TTC28: variants seen among roughly 807,000 people sequenced by gnomAD.
The protein encoded by TTC28 is tetratricopeptide repeat domain 28.
TTC28 carries 61 observed loss-of-function variants against 198.0 expected under a neutral mutation model. The observed-to-expected ratio is 0.31, with a 90% confidence interval of 0.25 to 0.38. TTC28 has a LOEUF of 0.38. Ranked by LOEUF, TTC28 falls within the 10% of genes least tolerant of loss-of-function variation. TTC28 has a pLI of 1.00. For synonymous variants in TTC28, 1,171 were observed against 1,297.8 expected (o/e 0.90, Z 2.10); for missense variants, 2,678 against 3,164.0 (o/e 0.85, Z 3.69).
chr22:28,136,201 G>T (rs1601366045), intron 6 of TTC28, among the ~76,000 whole-genome samples: 2 of 152,230 alleles, frequency 1.3e-5, no homozygotes, highest in South Asian at 4.1e-4. Context: ...CTAGAGTTCA[G>T]TGGTGTGATC....
chr22:28,503,336 T>C (rs2048561861), intron 2 of TTC28, among the ~76,000 whole-genome samples: 1 of 152,182 alleles, frequency 6.6e-6, no homozygotes, highest in Non-Finnish European at 1.5e-5. Context: ...AAATAAATAA[T>C]TATGTGATTG....
chr22:28,331,634 T>C lies in TTC28; in HGVS notation c.382-24991A>G, dbSNP rs568004658. 4.6e-5 allele frequency among the ~76,000 whole-genome samples: 7 copies of C among 152,304 alleles called. No individual in the cohort carries two copies. The East Asian group carries it at 9.6e-4, about 21-fold the overall frequency. On this transcript the variant is annotated intron_variant, in intron 2 of 22. Coordinates refer to ENST00000397906, the MANE Select transcript of TTC28 (RefSeq NM_001145418.2). ...CTTACTTGTACACCTCCTCTCATTCTGCTTTTTATAAATAAGCACTCCTGA... is the reference window on the plus strand; with the variant it reads ...CTTACTTGTACACCTCCTCTCATTCCGCTTTTTATAAATAAGCACTCCTGA...
At chr22:28,553,770 C>T (rs1322124364) in intron 2 of TTC28, among the ~76,000 whole-genome samples, 1 of 151,330 alleles carries the variant, frequency 6.6e-6, no homozygotes, top group Non-Finnish European at 1.5e-5. Context: ...GCCCCCCGCC[C>T]GGCCAGCCAC....
intron 2 of TTC28, among the ~76,000 whole-genome samples, chr22:28,316,613 T>C (rs2045356470): frequency 6.6e-6 from 1 of 152,204 alleles, no homozygotes; most frequent in East Asian, 1.9e-4. Context: ...TTCATTTTGA[T>C]TTATTTCATG....
chr22:28,594,289 T>A (rs2146100559), intron 2 of TTC28, among the ~76,000 whole-genome samples: 1 of 148,870 alleles, frequency 6.7e-6, no homozygotes, highest in African/African-American at 2.4e-5. Context: ...ATTAATTATA[T>A]TATTTATATT....
At position 28,107,735 on chromosome 22, in the gene TTC28, C is replaced by T. The variant is rs1942356895; in HGVS notation, c.2110G>A (p.Ala704Thr). 1 of 1,551,730 alleles carries T rather than the reference C, an allele frequency of 6.4e-7. No homozygotes were observed. Among genetic ancestry groups the T allele is most frequent in the South Asian group, 1.2e-5 (1 of 84,068 alleles). ...GCCTGGGAATTATTCAGAGACTGGG[C>T]TAGGGACAGTAGGTACTTCTGACAC... The part of the protein sequence containing the change: ...EECQKYLLSL[A>T]QSLNNSQAKF... The change falls in exon 7 of 23, where the codon GCC becomes ACC. Residue 704 changes from alanine (A) to threonine (T), a missense_variant. Physicochemically the swap from Ala to Thr is moderately conservative, Grantham distance 58. Around this residue, in one of 8 missense-constraint regions of TTC28, gnomAD observed 775 missense variants for 845.9 expected, o/e 0.92. Transcript: ENST00000397906.
chr22:28,339,733 G>A (rs539431356), intron 2 of TTC28, among the ~76,000 whole-genome samples: 108 of 152,278 alleles, frequency 7.1e-4, no homozygotes, highest in Admixed American at 4.4e-3. Context: ...TGCTAAGACC[G>A]TTGGAAAAGC....
At chr22:28,039,857 A>C (rs1939541102) in intron 12 of TTC28, among the ~76,000 whole-genome samples, 1 of 152,204 alleles carries the variant, frequency 6.6e-6, no homozygotes, top group African/African-American at 2.4e-5. Flanking sequence ...ATAAAGAAGA[A>C]AAGAGAGAAG....
At chr22:28,641,935 C>T (rs545465661) in intron 1 of TTC28, among the ~76,000 whole-genome samples, 3 of 152,094 alleles carry the variant, frequency 2.0e-5, no homozygotes, top group Admixed American at 6.6e-5. Flanking sequence ...TTTCCCAAAC[C>T]TTAGTGTACG....
At chr22:28,483,064 T>TA (rs1435238054) in intron 2 of TTC28, among the ~76,000 whole-genome samples, 1 of 152,182 alleles carries the variant, frequency 6.6e-6, no homozygotes, top group Non-Finnish European at 1.5e-5. Context: ...TTCTTCTGTA[T>TA]ATCTAAGAGT....
intron 2 of TTC28, among the ~76,000 whole-genome samples, chr22:28,481,900 T>C (rs962173858): frequency 6.6e-6 from 1 of 152,062 alleles, no homozygotes; most frequent in African/African-American, 2.4e-5. Flanking sequence ...TAAGGAAAAG[T>C]AGGTAAAATG....
chr22:28,505,243 C>G (rs2048593493), intron 2 of TTC28, among the ~76,000 whole-genome samples: 1 of 122,040 alleles, frequency 8.2e-6, no homozygotes, highest in Non-Finnish European at 1.6e-5. Context: ...GGCAACAGAG[C>G]GAGACTCCGT....
intron 5 of TTC28, among the ~76,000 whole-genome samples, chr22:28,218,893 T>C (rs950140332): frequency 6.6e-6 from 1 of 151,874 alleles, no homozygotes; most frequent in Non-Finnish European, 1.5e-5. Flanking sequence ...TCCAGATTCA[T>C]GTTAAGGCTC....
chr22:28,511,370 T>C (rs2048686198), intron 2 of TTC28, among the ~76,000 whole-genome samples: 1 of 152,198 alleles, frequency 6.6e-6, no homozygotes, highest in Admixed American at 6.5e-5. Flanking sequence ...TACAACCATC[T>C]GATCTTTTAC....
At chr22:28,123,084 G>A (rs1942828132) in intron 6 of TTC28, among the ~76,000 whole-genome samples, 1 of 152,184 alleles carries the variant, frequency 6.6e-6, no homozygotes, top group African/African-American at 2.4e-5. Context: ...ACTTCTCTTG[G>A]CAGCAAAAGC....
intron 1 of TTC28, among the ~76,000 whole-genome samples, chr22:28,644,874 G>A (rs544582635): frequency 2.6e-5 from 4 of 151,262 alleles, no homozygotes; most frequent in African/African-American, 9.7e-5. Context: ...AGTGGGGCGC[G>A]GTGGCTCACC....
intron 12 of TTC28, among the ~76,000 whole-genome samples, chr22:28,035,953 T>G (rs1939324701): frequency 6.6e-6 from 1 of 152,160 alleles, no homozygotes; most frequent in Non-Finnish European, 1.5e-5. Flanking sequence ...CCTAAATATA[T>G]ATGCACCCAA....
At chr22:28,037,511 T>C (rs1050987701) in intron 12 of TTC28, among the ~76,000 whole-genome samples, 4 of 152,152 alleles carry the variant, frequency 2.6e-5, no homozygotes, top group Non-Finnish European at 5.9e-5. Flanking sequence ...ACTGATGGGA[T>C]GTATCTCAAA....
intron 2 of TTC28, among the ~76,000 whole-genome samples, chr22:28,458,843 T>C (rs1285662060): frequency 6.7e-6 from 1 of 150,014 alleles, no homozygotes. Flanking sequence ...ATCATGTCAC[T>C]GCACTCCAGC....
Sources: gnomAD v4.1 joint callset for allele counts (sites outside exome capture counted in the v4.1 genomes callset) on GRCh38, gnomAD v4.1.1 for gene constraint, gnomAD v4.1.1 regional missense constraint, MANE v1.5 for transcripts, NCBI Gene and HGNC (gene_info 2026-07-23, HGNC 2026-07-21) for gene names.